Variants in KLHL12 observed in about 807,000 individuals in gnomAD.
The protein encoded by KLHL12 is kelch like family member 12, also known as kelch-like protein 12.
In KLHL12, 17 loss-of-function variants were observed where a neutral mutation model predicts 60.8. The ratio of observed to expected loss-of-function variants is 0.28; its 90% CI spans 0.19 to 0.42. The LOEUF is 0.42. Among genes scored for constraint, KLHL12 ranks in the 10% least tolerant of loss-of-function variants. The pLI, the probability that KLHL12 is intolerant of heterozygous loss-of-function variation, is 1.00. For missense variants in KLHL12, 468 were observed against 722.3 expected (o/e 0.65, Z 4.04); for synonymous variants, 220 against 250.9 (o/e 0.88, Z 1.16).
intron 4 of KLHL12, chr1:202,912,691 T>G: frequency 7.5e-7 from 1 of 1,333,032 alleles, no homozygotes; most frequent in East Asian, 2.3e-5. Context: ...TATGGTGGTT[T>G]CAGTAGCAGC....
Position 202,907,623 on chromosome 1 carries a change from T to TTATA in KLHL12, c.832+1383_832+1386dup, listed in dbSNP as rs781610552. ...AAAAAAAAAAAAAAAAGGAAAAAAATTATATATATATATATGGGAGGCCTG... is the reference window on the plus strand; with the variant it reads ...AAAAAAAAAAAAAAAAGGAAAAAAATTATATATATATATATATATGGGAGGCCTG... On this transcript the variant is annotated intron_variant, in intron 6 of 11. Coordinates refer to ENST00000367261, the MANE Select transcript of KLHL12 (RefSeq NM_021633.4). Among the ~76,000 whole-genome samples, 4 of 128,978 alleles carry TTATA rather than the reference T, an allele frequency of 3.1e-5. No homozygotes were observed. The East Asian group carries it at 9.2e-4, about 30-fold the overall frequency. 84.6% of individuals were successfully genotyped at this position (128,978 alleles called of 152,430 possible).
chr1:202,912,337 G>T (rs1571532973), intron 4 of KLHL12: 2 of 792,134 alleles, frequency 2.5e-6, no homozygotes, highest in Non-Finnish European at 4.5e-6. Context: ...GGCCATAACT[G>T]TGAAGTTAGG....
At chr1:202,913,129 A>G (rs1660415243) in intron 4 of KLHL12, among the ~76,000 whole-genome samples, 1 of 152,138 alleles carries the variant, frequency 6.6e-6, no homozygotes, top group African/African-American at 2.4e-5. Context: ...ATTACGCACT[A>G]TGCTATTTGA....
chr1:202,914,864 TAAA>T (rs547996937), intron 4 of KLHL12: 18 of 109,834 alleles, frequency 1.6e-4, no homozygotes, highest in Admixed American at 2.9e-4. Context: ...AAACTCCGTC[TAAA>T]AAAAAAAAAA....
chr1:202,922,577 C>G (rs1432298439), intron 2 of KLHL12, among the ~76,000 whole-genome samples: 1 of 151,760 alleles, frequency 6.6e-6, no homozygotes, highest in Non-Finnish European at 1.5e-5. Flanking sequence ...AGCTCCGCCT[C>G]CCGGGTTCAC....
chr1:202,915,764 A>T (rs1660505370), intron 4 of KLHL12, among the ~76,000 whole-genome samples: 2 of 152,226 alleles, frequency 1.3e-5, no homozygotes, highest in Non-Finnish European at 1.5e-5. Context: ...TCCAATCTTC[A>T]CTTTCCTCCT....
At chr1:202,898,753 G>A (rs1659916141) in intron 6 of KLHL12, among the ~76,000 whole-genome samples, 1 of 151,976 alleles carries the variant, frequency 6.6e-6, no homozygotes, top group African/African-American at 2.4e-5. Context: ...GAAACTTTTG[G>A]ATTAAAACGA....
chr1:202,919,225 T>C (rs1422161197), intron 3 of KLHL12, among the ~76,000 whole-genome samples: 1 of 152,214 alleles, frequency 6.6e-6, no homozygotes, highest in Non-Finnish European at 1.5e-5. Flanking sequence ...CACTGTGCTC[T>C]AATCTGGGTG....
At chr1:202,900,070 T>G (rs1659960691) in intron 6 of KLHL12, among the ~76,000 whole-genome samples, 1 of 152,210 alleles carries the variant, frequency 6.6e-6, no homozygotes, top group East Asian at 1.9e-4. Context: ...CCAAACACAT[T>G]TCCCATGTAG....
intron 4 of KLHL12, among the ~76,000 whole-genome samples, chr1:202,913,880 A>G (rs961394399): frequency 6.6e-6 from 1 of 152,248 alleles, no homozygotes; most frequent in Non-Finnish European, 1.5e-5. Flanking sequence ...TCAGCTTCTC[A>G]GTTGCATTAG....
intron 2 of KLHL12, among the ~76,000 whole-genome samples, chr1:202,921,543 T>C (rs1660698976): frequency 6.6e-6 from 1 of 152,228 alleles, no homozygotes; most frequent in African/African-American, 2.4e-5. Flanking sequence ...TTATGTAACA[T>C]CATCTGAATA....
chr1:202,922,322 C>T lies in KLHL12; in HGVS notation c.196-2414G>A, dbSNP rs574245939. 3.3e-3 allele frequency among the ~76,000 whole-genome samples: 500 copies of T among 151,808 alleles called. 5 individuals are homozygous for T. The highest frequency in any genetic ancestry group is 0.012 in the African/African-American group (480 of 41,416). Reference sequence around the variant, plus strand: ...ATGGCTCAAGCCTGTAATCCCAGCACTTTGGGAGGCCGAGGTGGGTGGATC... The same window carrying T: ...ATGGCTCAAGCCTGTAATCCCAGCATTTTGGGAGGCCGAGGTGGGTGGATC... On this transcript the variant is annotated intron_variant, in intron 2 of 11. Coordinates refer to ENST00000367261, the MANE Select transcript of KLHL12 (RefSeq NM_021633.4).
At chr1:202,924,897 A>G in intron 2 of KLHL12, 71 bp downstream of exon 2, 1 of 1,540,294 alleles carries the variant, frequency 6.5e-7, no homozygotes, top group South Asian at 1.2e-5. Context: ...AACTTCCACT[A>G]TTTTATTCAG....
intron 6 of KLHL12, among the ~76,000 whole-genome samples, chr1:202,900,878 C>A (rs1420410294): frequency 1.3e-5 from 2 of 148,588 alleles, no homozygotes; most frequent in East Asian, 4.1e-4. Context: ...AAATTAAACA[C>A]AAATACAAAC....
At chr1:202,919,504 C>T (rs1660620797) in intron 3 of KLHL12, among the ~76,000 whole-genome samples, 1 of 151,828 alleles carries the variant, frequency 6.6e-6, no homozygotes, top group African/African-American at 2.4e-5. Context: ...CTCCTTCCTC[C>T]ATTTTTTTTT....
intron 6 of KLHL12, among the ~76,000 whole-genome samples, chr1:202,905,603 G>A (rs990373194): frequency 6.6e-5 from 10 of 152,146 alleles, no homozygotes; most frequent in African/African-American, 9.7e-5. Flanking sequence ...AAATGCTTAC[G>A]ACAAGAAGCG....
At chr1:202,906,109 G>A (rs79504140) in intron 6 of KLHL12, among the ~76,000 whole-genome samples, 30,791 of 142,924 alleles carry the variant, frequency 0.22, 4,011 homozygotes, top group East Asian at 0.53. Context: ...ATGAGCCACC[G>A]CGCCCGGCCA....
Position 202,909,289 on chromosome 1 carries a change from A to G in KLHL12, c.718-165T>C, listed in dbSNP as rs569114956. The G allele has an allele frequency of 6.3e-6, 3 of 474,798 alleles. No homozygotes were observed. Among genetic ancestry groups the G allele is most frequent in the African/African-American group, 6.1e-5 (3 of 49,482 alleles). The allele number at this position is 474,798 out of a possible 1,614,324, so 29.4% of individuals were successfully genotyped here. ...TAGTAACCATGCTCTCGGTTTCCAG[A>G]AATGATTTTTAAAATTTACTTGAAA... On this transcript the variant is annotated intron_variant, in intron 5 of 11. Transcript: ENST00000367261. The surrounding 1 kb of genome is among the most constrained non-coding windows in gnomAD (Gnocchi z 4.1).
chr1:202,921,199 C>A (rs569234809), intron 2 of KLHL12, among the ~76,000 whole-genome samples: 4 of 146,912 alleles, frequency 2.7e-5, no homozygotes, highest in Non-Finnish European at 6.0e-5. Flanking sequence ...TTTTTTGACA[C>A]AGTCTTGCTC....
Sources: allele counts gnomAD v4.1 joint callset (sites outside exome capture counted in the v4.1 genomes callset), GRCh38; gene constraint gnomAD v4.1.1; non-coding constraint Gnocchi (gnomAD v3.1); transcripts MANE v1.5; gene names NCBI Gene and HGNC (gene_info 2026-07-23, HGNC 2026-07-21).